GPC5: variants seen among roughly 807,000 people sequenced by gnomAD.
GPC5 encodes the protein glypican 5, also known as glypican-5.
Under a neutral mutation model 53.9 loss-of-function variants are expected in GPC5, and 47 were observed. That is an observed-to-expected ratio of 0.87 (90% CI 0.69 to 1.11). The LOEUF (loss-of-function observed/expected upper bound fraction) is 1.11. GPC5 is among the 50% of genes most tolerant of loss of function. The pLI is 0.00. For synonymous variants in GPC5, 286 were observed against 263.3 expected, an observed-to-expected ratio of 1.09 and a Z score of -0.84; for missense variants, 748 against 713.1, an observed-to-expected ratio of 1.05 and a Z score of -0.56.
intron 7 of GPC5, among the ~76,000 whole-genome samples, chr13:92,690,549 A>T (rs1178579957): frequency 7.3e-6 from 1 of 136,374 alleles, no homozygotes; most frequent in Non-Finnish European, 1.5e-5. Context: ...GATCGTCTGA[A>T]GCCTTCTTCT....
At chr13:92,854,752 G>A (rs1046979751) in intron 7 of GPC5, among the ~76,000 whole-genome samples, 3 of 151,880 alleles carry the variant, frequency 2.0e-5, no homozygotes, top group African/African-American at 7.2e-5. Context: ...TTATGTGTTT[G>A]TTTTTTGAGT....
At chr13:91,707,791 A>G (rs2036139314) in intron 3 of GPC5, among the ~76,000 whole-genome samples, 1 of 152,136 alleles carries the variant, frequency 6.6e-6, no homozygotes, top group African/African-American at 2.4e-5. Flanking sequence ...TGACCCAGCT[A>G]ATTTCATGCC....
At chr13:92,448,138 T>C (rs1594210973) in intron 7 of GPC5, 2 of 152,128 alleles carry the variant, frequency 1.3e-5, no homozygotes, top group Non-Finnish European at 2.9e-5. Context: ...TCAGTTCTAC[T>C]TTAAAGGAAT....
intron 7 of GPC5, among the ~76,000 whole-genome samples, chr13:92,300,318 T>TTAATACCTTTTAATGC (rs2043066999): frequency 6.6e-6 from 1 of 152,182 alleles, no homozygotes. Flanking sequence ...AATTCCACCT[T>TTAATACCTTTTAATGC]TTTAATACTA....
chr13:92,469,221 C>A (rs1400742612), intron 7 of GPC5, among the ~76,000 whole-genome samples: 1 of 150,808 alleles, frequency 6.6e-6, no homozygotes, highest in Non-Finnish European at 1.5e-5. Flanking sequence ...TTTTTCTTTT[C>A]TTTTTGAGAT....
intron 7 of GPC5, among the ~76,000 whole-genome samples, chr13:92,264,161 A>G (rs1051609375): frequency 2.0e-5 from 3 of 152,146 alleles, no homozygotes; most frequent in African/African-American, 7.2e-5. Context: ...TATCAACCCT[A>G]TGATATTCCC....
intron 7 of GPC5, among the ~76,000 whole-genome samples, chr13:92,854,435 A>G (rs1878928164): frequency 1.3e-5 from 2 of 151,222 alleles, no homozygotes; most frequent in Admixed American, 1.3e-4. Context: ...CAATGCAATA[A>G]GAAACATTCC....
chr13:91,733,707 T>TATCA (rs1377545195), intron 4 of GPC5, among the ~76,000 whole-genome samples: 1 of 152,254 alleles, frequency 6.6e-6, no homozygotes, highest in Non-Finnish European at 1.5e-5. Flanking sequence ...TGAAGTTGCC[T>TATCA]ATCAGCTTAA....
chr13:92,185,436 A>G (rs1446444339), intron 7 of GPC5, among the ~76,000 whole-genome samples: 1 of 152,184 alleles, frequency 6.6e-6, no homozygotes, highest in Non-Finnish European at 1.5e-5. Flanking sequence ...ACTATGGGCA[A>G]TGCCTCAGTT....
chr13:92,369,327 G>T (rs2043631832), intron 7 of GPC5, among the ~76,000 whole-genome samples: 1 of 152,144 alleles, frequency 6.6e-6, no homozygotes, highest in African/African-American at 2.4e-5. Context: ...GGGATTACAG[G>T]TGTGTGCTAC....
At chr13:91,486,136 A>G (rs1883595284) in intron 2 of GPC5, 1 of 148,556 alleles carries the variant, frequency 6.7e-6, no homozygotes, top group Non-Finnish European at 1.5e-5. Context: ...CAGCTACTAT[A>G]ATGTTCAGTT....
intron 2 of GPC5, among the ~76,000 whole-genome samples, chr13:91,542,829 A>G (rs1005561068): frequency 4.1e-5 from 6 of 145,768 alleles, no homozygotes; most frequent in African/African-American, 1.5e-4. Flanking sequence ...GATTACAGGC[A>G]TGCATCACCA....
chr13:91,857,581 T>G (rs1270299499), intron 5 of GPC5, among the ~76,000 whole-genome samples: 3 of 139,892 alleles, frequency 2.1e-5, no homozygotes, highest in South Asian at 2.1e-4. Flanking sequence ...TCTATGGCTG[T>G]TTTTTTTTTC....
At chr13:91,962,141 G>A (rs1451333748) in intron 6 of GPC5, among the ~76,000 whole-genome samples, 2 of 152,076 alleles carry the variant, frequency 1.3e-5, no homozygotes, top group Non-Finnish European at 2.9e-5. Context: ...CTAGAAGGTC[G>A]TTGGCAATTT....
At chr13:92,690,572 A>G (rs1887352484) in intron 7 of GPC5, among the ~76,000 whole-genome samples, 1 of 143,222 alleles carries the variant, frequency 7.0e-6, no homozygotes, top group African/African-American at 2.6e-5. Flanking sequence ...CAGCTCGTCA[A>G]AATAATTCTC....
chr13:92,421,698 C>CCAA (rs765570090), intron 7 of GPC5, among the ~76,000 whole-genome samples: 7 of 69,506 alleles, frequency 1.0e-4, no homozygotes, highest in Admixed American at 2.0e-4. Context: ...GACTCCGTCT[C>CCAA]AAAAAAAAAA....
chr13:92,127,287 ATG>A (rs922562450), intron 6 of GPC5, among the ~76,000 whole-genome samples: 2 of 151,810 alleles, frequency 1.3e-5, no homozygotes, highest in African/African-American at 2.4e-5. Flanking sequence ...GTATATATAT[ATG>A]TGTGTATATA....
At chr13:92,641,996 A>T (rs111946052) in intron 7 of GPC5, among the ~76,000 whole-genome samples, 4 of 152,146 alleles carry the variant, frequency 2.6e-5, no homozygotes, top group African/African-American at 4.8e-5. Context: ...CCAGATTTGT[A>T]GCTCTTCAAA....
chr13:92,775,496 C>CA (rs948694480), intron 7 of GPC5, among the ~76,000 whole-genome samples: 15 of 152,042 alleles, frequency 9.9e-5, no homozygotes, highest in African/African-American at 3.6e-4. Context: ...ATAAAGCTGC[C>CA]AAAAAAATTT....
Sources: gnomAD v4.1 joint callset for allele counts (sites outside exome capture counted in the v4.1 genomes callset) on GRCh38, gnomAD v4.1.1 for gene constraint, MANE v1.5 for transcripts, NCBI Gene and HGNC (gene_info 2026-07-23, HGNC 2026-07-21) for gene names.